RBMS3: variants seen among roughly 807,000 people sequenced by gnomAD.
The protein encoded by RBMS3 is RNA-binding motif, single-stranded-interacting protein 3.
A neutral mutation model predicts 66.8 loss-of-function variants in RBMS3; 27 were observed. The observed-to-expected ratio is 0.40, with a 90% confidence interval of 0.30 to 0.56. The LOEUF (loss-of-function observed/expected upper bound fraction) is 0.56. Ranked by LOEUF, RBMS3 falls within the 20% of genes least tolerant of loss-of-function variation. The probability of loss-of-function intolerance (pLI) is 0.40; values close to 1 mark genes in which losing one functional copy is unlikely to be tolerated. For synonymous variants in RBMS3, 188 were observed against 183.0 expected (o/e 1.03, Z -0.22); for missense variants, 513 against 549.5 (o/e 0.93, Z 0.66).
chr3:29,833,109 G>T (rs189701815), intron 6 of RBMS3, among the ~76,000 whole-genome samples: 9 of 152,278 alleles, frequency 5.9e-5, no homozygotes, highest in East Asian at 3.9e-4. Flanking sequence ...GCATGGAGCA[G>T]ATGTATCCAT....
intron 1 of RBMS3, among the ~76,000 whole-genome samples, chr3:29,410,539 G>A (rs186744561): frequency 1.2e-4 from 18 of 152,224 alleles, no homozygotes; most frequent in Middle Eastern, 3.4e-3. Context: ...ATGAATTTGC[G>A]CCAGTGTCTG....
intron 12 of RBMS3, among the ~76,000 whole-genome samples, chr3:29,950,130 T>C (rs1266324462): frequency 3.3e-5 from 5 of 151,818 alleles, no homozygotes; most frequent in African/African-American, 1.2e-4. Context: ...CCTGGTCTTG[T>C]CTAAAAGCCG....
intron 3 of RBMS3, among the ~76,000 whole-genome samples, chr3:29,564,185 A>AT (rs534823231): frequency 2.0e-5 from 3 of 152,026 alleles, no homozygotes; most frequent in South Asian, 2.1e-4. Flanking sequence ...ATTACAATAA[A>AT]TTTTTTTTAG....
chr3:29,338,310 G>C, intron 1 of RBMS3, among the ~76,000 whole-genome samples: 1 of 152,176 alleles, frequency 6.6e-6, no homozygotes, highest in East Asian at 1.9e-4. Context: ...TTATATAAAA[G>C]CAAATAAAAT....
At chr3:29,644,633 C>T (rs2149202510) in intron 4 of RBMS3, among the ~76,000 whole-genome samples, 1 of 152,276 alleles carries the variant, frequency 6.6e-6, no homozygotes, top group South Asian at 2.1e-4. Flanking sequence ...AGTAAAACTA[C>T]AAACAAACCC....
At chr3:29,567,809 A>T (rs1055367451) in intron 3 of RBMS3, among the ~76,000 whole-genome samples, 1 of 152,148 alleles carries the variant, frequency 6.6e-6, no homozygotes, top group Non-Finnish European at 1.5e-5. Flanking sequence ...TCAAAATATG[A>T]CACAGAAGTT....
At chr3:29,660,196 G>T (rs2083490) in intron 4 of RBMS3, among the ~76,000 whole-genome samples, 2,077 of 152,074 alleles carry the variant, frequency 0.014, 32 homozygotes, top group African/African-American at 0.04. Flanking sequence ...CCCTTCAATT[G>T]TCTTTTTTTT....
chr3:29,864,659 C>G (rs1022158734), intron 6 of RBMS3, among the ~76,000 whole-genome samples: 6 of 152,050 alleles, frequency 3.9e-5, no homozygotes, highest in Non-Finnish European at 8.8e-5. Flanking sequence ...GACAGAGATT[C>G]TAATCAGTAA....
chr3:29,435,589 G>A (rs1328457036), intron 2 of RBMS3, among the ~76,000 whole-genome samples: 1 of 152,040 alleles, frequency 6.6e-6, no homozygotes, highest in Non-Finnish European at 1.5e-5. Context: ...TCTTATTTCT[G>A]TGCAAATAAA....
At chr3:29,827,055 AG>A (rs569164932) in intron 6 of RBMS3, among the ~76,000 whole-genome samples, 92 of 152,294 alleles carry the variant, frequency 6.0e-4, no homozygotes, top group African/African-American at 2.2e-3. Flanking sequence ...CCTCCAGTAT[AG>A]CTACCTACAT....
At chr3:29,530,782 G>T (rs2148992607) in intron 3 of RBMS3, among the ~76,000 whole-genome samples, 1 of 151,440 alleles carries the variant, frequency 6.6e-6, no homozygotes, top group South Asian at 2.1e-4. Context: ...TGAGGCAGGA[G>T]AATTGCCTGA....
intron 2 of RBMS3, among the ~76,000 whole-genome samples, chr3:29,441,263 G>A (rs2041610553): frequency 6.6e-6 from 1 of 152,118 alleles, no homozygotes; most frequent in Non-Finnish European, 1.5e-5. Flanking sequence ...AATGGGTTAC[G>A]TATATTCATT....
chr3:29,991,662 G>A (rs1698882740), intron 14 of RBMS3: 1 of 152,886 alleles, frequency 6.5e-6, no homozygotes, highest in African/African-American at 2.4e-5. Context: ...CAATGTAGCA[G>A]TTCACTTTGA....
At chr3:29,326,912 A>G (rs570278955) in intron 1 of RBMS3, among the ~76,000 whole-genome samples, 1 of 152,024 alleles carries the variant, frequency 6.6e-6, no homozygotes, top group East Asian at 1.9e-4. Context: ...TTGTATTTTT[A>G]GCAGAGACGG....
intron 4 of RBMS3, among the ~76,000 whole-genome samples, chr3:29,627,285 C>CTCT (rs2049096770): frequency 7.2e-6 from 1 of 138,598 alleles, no homozygotes; most frequent in African/African-American, 2.9e-5. Context: ...TTCTCTCTCT[C>CTCT]TTCTCTCTCT....
At chr3:29,778,635 C>G (rs1261846751) in intron 6 of RBMS3, among the ~76,000 whole-genome samples, 2 of 151,708 alleles carry the variant, frequency 1.3e-5, no homozygotes, top group African/African-American at 4.8e-5. Context: ...AGTAAATGGG[C>G]TGATTGACCC....
chr3:29,836,248 T>C (rs963825560), intron 6 of RBMS3, among the ~76,000 whole-genome samples: 12 of 152,100 alleles, frequency 7.9e-5, no homozygotes, highest in Non-Finnish European at 4.4e-5. Context: ...GGATGATGTA[T>C]GTCCAAACTC....
At chr3:29,770,624 C>A (rs577460156) in intron 6 of RBMS3, among the ~76,000 whole-genome samples, 1 of 151,900 alleles carries the variant, frequency 6.6e-6, no homozygotes, top group Non-Finnish European at 1.5e-5. Context: ...CAGGTCTGCA[C>A]GAATTTCTGG....
intron 1 of RBMS3, among the ~76,000 whole-genome samples, chr3:29,403,516 G>C (rs372270367): frequency 6.6e-6 from 1 of 152,074 alleles, no homozygotes; most frequent in Non-Finnish European, 1.5e-5. Flanking sequence ...AGCCAATCTA[G>C]AACATGTAAG....
Sources: allele counts gnomAD v4.1 joint callset (sites outside exome capture counted in the v4.1 genomes callset), GRCh38; gene constraint gnomAD v4.1.1; transcripts MANE v1.5; gene names NCBI Gene and HGNC (gene_info 2026-07-23, HGNC 2026-07-21).